Variants in BTD observed in about 807,000 individuals in gnomAD.
BTD encodes biocytinase.
BTD carries 13 observed loss-of-function variants against 17.7 expected under a neutral mutation model. The observed-to-expected ratio is 0.74, with a 90% CI of 0.48 to 1.17. The LOEUF is 1.17. Ranked by LOEUF, BTD falls within the 50% of genes most tolerant of loss-of-function variation. The pLI is 0.00. For missense variants in BTD, 674 were observed against 650.4 expected, an observed-to-expected ratio of 1.04 and a Z score of -0.39; for synonymous variants, 240 against 245.2, an observed-to-expected ratio of 0.98 and a Z score of 0.20.
intron 3 of BTD, chr3:15,689,836 G>A (rs765311208): frequency 1.2e-5 from 7 of 585,964 alleles, no homozygotes; most frequent in Admixed American, 3.0e-5. Context: ...ATGAATGACG[G>A]AGGCTTTGTA....
intron 2 of BTD, among the ~76,000 whole-genome samples, chr3:15,637,521 G>C (rs1488728143): frequency 6.6e-6 from 1 of 152,134 alleles, no homozygotes; most frequent in Admixed American, 6.5e-5. Flanking sequence ...CCAGCCTGTT[G>C]GGCTATTTAG....
chr3:15,637,193 A>G (rs1206863663), intron 2 of BTD, among the ~76,000 whole-genome samples: 1 of 151,910 alleles, frequency 6.6e-6, no homozygotes, highest in Non-Finnish European at 1.5e-5. Context: ...GTTCCTTAGG[A>G]GACTCAGTTT....
chr3:15,631,752 C>T (rs2065212531), intron 1 of BTD, among the ~76,000 whole-genome samples: 1 of 152,170 alleles, frequency 6.6e-6, no homozygotes, highest in Non-Finnish European at 1.5e-5. Context: ...TTCCTGTCTC[C>T]CAGATGCTTT....
At chr3:15,684,096 T>C (rs531285481) in intron 3 of BTD, 1 of 152,288 alleles carries the variant, frequency 6.6e-6, no homozygotes, top group African/African-American at 2.4e-5. Context: ...AACCTCTAAT[T>C]TCTCTACTAA....
intron 3 of BTD, among the ~76,000 whole-genome samples, chr3:15,643,973 T>TATTTA (rs2065613151): frequency 1.8e-5 from 1 of 55,778 alleles, no homozygotes; most frequent in African/African-American, 5.6e-5. Context: ...TTATTTAATT[T>TATTTA]ATTTATTTAT....
rs185206435 is a variant in BTD at position 15,649,273 on chromosome 3, C to T, written c.*3785C>T. 8.3e-4 allele frequency among the ~76,000 whole-genome samples: 126 copies of T among 152,284 alleles called. No individual in the cohort carries two copies. The highest frequency in any genetic ancestry group is 2.8e-3 in the African/African-American group (118 of 41,542). ...ATGTGGCCCCTGGCTTCCCCTGAAG[C>T]AAATGATCCAAGAGAGCACAGGTGG... On this transcript the variant is annotated 3_prime_UTR_variant, in exon 4 of 4. Coordinates refer to ENST00000643237, the MANE Select transcript of BTD (RefSeq NM_001370658.1).
At position 15,649,475 on chromosome 3, in the gene BTD, C is replaced by T. The variant is rs1481520254; in HGVS notation, c.*3987C>T. On this transcript the variant is annotated 3_prime_UTR_variant, in exon 4 of 4. Transcript: ENST00000643237. ...AGGTGGGCTGCCACTCTGCTCAATCCAAATCACAGCTCTCCCGTTTCTCAC... is the reference window on the plus strand; with the variant it reads ...AGGTGGGCTGCCACTCTGCTCAATCTAAATCACAGCTCTCCCGTTTCTCAC... Among the ~76,000 whole-genome samples the T allele has an allele frequency of 6.6e-6, 1 of 152,228 alleles. No individual in the cohort carries two copies. The highest frequency in any genetic ancestry group is 6.5e-5 in the Admixed American group (1 of 15,284).
intron 3 of BTD, chr3:15,686,347 T>C (rs2068128471): frequency 2.1e-6 from 3 of 1,436,520 alleles, no homozygotes; most frequent in Non-Finnish European, 1.9e-6. Context: ...TAATTACATA[T>C]AATGATAAAA....
rs760227744 is a variant in BTD, at chr3:15,601,850, A to G, written c.-61A>G. The G allele has an allele frequency of 6.2e-7, 1 of 1,614,210 alleles. No homozygotes were observed. The highest frequency in any genetic ancestry group is 1.1e-5 in the South Asian group (1 of 91,084). Reference sequence around the variant, plus strand: ...AGCGTTTTCGGGGCTGTAAAGGGAGAATGGCGCATGCGCATATTCAGGGCG... The same window carrying G: ...AGCGTTTTCGGGGCTGTAAAGGGAGGATGGCGCATGCGCATATTCAGGGCG... On this transcript the variant is annotated 5_prime_UTR_variant, in exon 1 of 4. Transcript: ENST00000643237.
chr3:15,603,416 G>C (rs908078874), intron 1 of BTD, among the ~76,000 whole-genome samples: 5 of 152,186 alleles, frequency 3.3e-5, no homozygotes, highest in Non-Finnish European at 7.3e-5. Context: ...CCAGCACTTT[G>C]GGAGGCCGAG....
At chr3:15,708,005 C>A in intron 3 of BTD, 1 of 1,611,248 alleles carries the variant, frequency 6.2e-7, no homozygotes, top group Non-Finnish European at 8.5e-7. Flanking sequence ...TGCTCCTGAT[C>A]CCACAAGAGC....
Position 15,602,228 on chromosome 3 carries a change from A to G in BTD, c.-17+334A>G, listed in dbSNP as rs6804782. The G allele has an allele frequency of 7.6e-3, 10,121 of 1,331,514 alleles. 258 individuals are homozygous for G. In the African/African-American group the frequency reaches 0.08, roughly 11 times the overall value. The allele number at this position is 1,331,514 out of a possible 1,614,324, so 82.5% of individuals were successfully genotyped here. A position where few individuals can be genotyped will look rare whatever the true frequency, so the allele number is the denominator to read the frequency against. On this transcript the variant is annotated intron_variant, in intron 1 of 3. Coordinates refer to ENST00000643237, the MANE Select transcript of BTD (RefSeq NM_001370658.1). Reference sequence around the variant, plus strand: ...AATGACGCTCAGAGTCAGTAGATCCAGACCGTGCCTGAGATCCTGAATCCT... The same window carrying G: ...AATGACGCTCAGAGTCAGTAGATCCGGACCGTGCCTGAGATCCTGAATCCT...
chr3:15,637,475 C>G (rs1320862574), intron 2 of BTD, among the ~76,000 whole-genome samples: 1 of 152,204 alleles, frequency 6.6e-6, no homozygotes, highest in African/African-American at 2.4e-5. Flanking sequence ...AAGCTGAGGG[C>G]AAGACTTCAC....
intron 2 of BTD, among the ~76,000 whole-genome samples, chr3:15,638,916 TA>T (rs1459812257): frequency 6.6e-6 from 1 of 152,240 alleles, no homozygotes; most frequent in Non-Finnish European, 1.5e-5. Flanking sequence ...TTCAGTATTA[TA>T]ATCTTATGGG....
chr3:15,706,825 T>C (rs1361015563), intron 3 of BTD, among the ~76,000 whole-genome samples: 1 of 152,242 alleles, frequency 6.6e-6, no homozygotes, highest in Non-Finnish European at 1.5e-5. Flanking sequence ...TTTATTTGCA[T>C]TTCTCTGATG....
At chr3:15,658,180 AAAG>A (rs1474770796), downstream of BTD, among the ~76,000 whole-genome samples, 4 of 151,488 alleles carry the variant, frequency 2.6e-5, no homozygotes, top group African/African-American at 7.3e-5. Flanking sequence ...AAAAAAAAAA[AAAG>A]AAAGAAAGAA....
chr3:15,612,667 T>G (rs1006503689), intron 1 of BTD, among the ~76,000 whole-genome samples: 10 of 151,414 alleles, frequency 6.6e-5, no homozygotes, highest in Non-Finnish European at 1.3e-4. Flanking sequence ...TCTGGTGAGT[T>G]TTCTTCAATT....
At chr3:15,624,266 A>G (rs73817028) in intron 1 of BTD, among the ~76,000 whole-genome samples, 4,843 of 152,106 alleles carry the variant, frequency 0.032, 259 homozygotes, top group African/African-American at 0.11. Flanking sequence ...TCTGTGGTTT[A>G]GTGTCTGATA....
rs2065720539 is a variant in BTD, at chr3:15,647,374, T to C, written c.*1886T>C. The C allele has an allele frequency of 6.6e-6, 1 of 152,232 alleles. No individual in the cohort carries two copies. Among genetic ancestry groups the C allele is most frequent in the African/African-American group, 2.4e-5 (1 of 41,450 alleles). The allele number at this position is 152,232 out of a possible 1,614,324, so 9.4% of individuals were successfully genotyped here. A position where few individuals can be genotyped will look rare whatever the true frequency, so the allele number is the denominator to read the frequency against. ...CTGAGAAAGAGAGGCCAGCGCTAAA[T>C]ACAGACTTGGCAGAACTACTTCACC... On this transcript the variant is annotated 3_prime_UTR_variant, in exon 4 of 4. Transcript: ENST00000643237.
Sources: gnomAD v4.1 joint callset for allele counts (sites outside exome capture counted in the v4.1 genomes callset) on GRCh38, gnomAD v4.1.1 for gene constraint, MANE v1.5 for transcripts, NCBI Gene and HGNC (gene_info 2026-07-23, HGNC 2026-07-21) for gene names.